The following EXD3 variants were observed in gnomAD, a reference collection of about 807,000 sequenced individuals.
EXD3 encodes exonuclease 3'-5' domain containing 3.
In EXD3, 92 loss-of-function variants were observed where a neutral mutation model predicts 98.0. That is an observed-to-expected ratio of 0.94 (90% CI 0.79 to 1.12). The LOEUF (loss-of-function observed/expected upper bound fraction) is 1.12. EXD3 is among the 50% of genes most tolerant of loss of function. The pLI is 0.00. For synonymous variants in EXD3, 569 were observed against 526.0 expected (o/e 1.08, Z -1.12); for missense variants, 1,222 against 1,191.6 (o/e 1.03, Z -0.38).
intron 1 of EXD3, among the ~76,000 whole-genome samples, chr9:137,411,618 G>A (rs917790492): frequency 6.6e-6 from 1 of 151,392 alleles, no homozygotes; most frequent in Non-Finnish European, 1.5e-5. Flanking sequence ...GGCCAGCGGC[G>A]GCCGTCAGTC....
Position 137,366,595 on chromosome 9 carries a change from A to T in EXD3, c.554T>A (p.Leu185His). The T allele has an allele frequency of 6.4e-7, 1 of 1,556,130 alleles. No individual in the cohort carries two copies. The highest frequency in any genetic ancestry group is 8.7e-7 in the Non-Finnish European group (1 of 1,150,788). Reference protein sequence around the residue: ...IPLLLQDKVALVERYVAGFPD... With the variant: ...IPLLLQDKVAHVERYVAGFPD... ...GAAGCCGGCCACATAGCGCTCCACGAGGGCCACCTTGTCCTGGAGGAGCAG... is the reference window on the plus strand; with the variant it reads ...GAAGCCGGCCACATAGCGCTCCACGTGGGCCACCTTGTCCTGGAGGAGCAG... The change falls in exon 7 of 22, where the codon CTC (leucine) becomes CAC (histidine). Residue 185 changes from leucine (L) to histidine (H), a missense_variant. Leu to His is a moderately conservative substitution (Grantham distance 99). Coordinates refer to ENST00000340951, the MANE Select transcript of EXD3 (RefSeq NM_017820.5).
chr9:137,375,660 TAG>T, intron 3 of EXD3, among the ~76,000 whole-genome samples: 1 of 152,286 alleles, frequency 6.6e-6, no homozygotes, highest in Non-Finnish European at 1.5e-5. Flanking sequence ...GTTCTAGCTC[TAG>T]CGAGTTCTAG....
intron 17 of EXD3, among the ~76,000 whole-genome samples, chr9:137,341,274 A>T (rs1045045168): frequency 5.9e-5 from 9 of 152,204 alleles, no homozygotes; most frequent in Non-Finnish European, 1.2e-4. Context: ...CTGTGATCAC[A>T]CCACTACACT....
Position 137,393,237 on chromosome 9 carries a change from T to G in EXD3, c.55+2066A>C, listed in dbSNP as rs983625902. 5.7e-6 allele frequency: 4 copies of G among 702,550 alleles called. No individual in the cohort carries two copies. The highest frequency in any genetic ancestry group is 7.8e-6 in the Non-Finnish European group (3 of 384,850). 43.5% of individuals were successfully genotyped at this position (702,550 alleles called of 1,614,324 possible). On this transcript the variant is annotated intron_variant, in intron 2 of 21. Coordinates refer to ENST00000340951, the MANE Select transcript of EXD3 (RefSeq NM_017820.5). This position sits in a 1 kb window ranked among gnomAD's most constrained non-coding sequence, Gnocchi z 4.6. ...GAGGCTGTAGAAGCCTGTGGGTGCC[T>G]GTGCAGGGAGAGTCAGCTCTGTGCT...
At chr9:137,422,745 C>G (rs1318624820) in intron 1 of EXD3, among the ~76,000 whole-genome samples, 1 of 152,124 alleles carries the variant, frequency 6.6e-6, no homozygotes, top group East Asian at 1.9e-4. Context: ...AGGGCGGGCG[C>G]GCGCGCGTCC....
rs1441552587 is a variant in EXD3 at position 137,385,018 on chromosome 9, G to A, written c.56-1641C>T. On this transcript the variant is annotated intron_variant, in intron 2 of 21. Coordinates refer to ENST00000340951, the MANE Select transcript of EXD3 (RefSeq NM_017820.5). The surrounding 1 kb of genome is among the most constrained non-coding windows in gnomAD (Gnocchi z 4.4). ...GAGGCAGGAGAACAGCATGAACCCG[G>A]GAGGCGGAGGTCGCAGTGAGCCGAG... is the stretch of plus-strand genomic sequence containing the variant. Among the ~76,000 whole-genome samples, 1 of 152,154 alleles carries A rather than the reference G, an allele frequency of 6.6e-6. No individual in the cohort carries two copies. The highest frequency in any genetic ancestry group is 1.5e-5 in the Non-Finnish European group (1 of 68,034).
intron 1 of EXD3, among the ~76,000 whole-genome samples, chr9:137,411,335 G>C (rs1015605100): frequency 6.6e-6 from 1 of 152,138 alleles, no homozygotes; most frequent in African/African-American, 2.4e-5. Context: ...CTGGGCATGG[G>C]GCTTGCTCCG....
At chr9:137,348,287 C>A (rs774933960) in intron 16 of EXD3, 49 bp from the exon 17 acceptor site, 2 of 1,571,630 alleles carry the variant, frequency 1.3e-6, no homozygotes, top group Non-Finnish European at 1.7e-6. Context: ...CCCAGCCCCT[C>A]ACAGCCTCAG....
intron 17 of EXD3, among the ~76,000 whole-genome samples, chr9:137,327,381 C>T (rs376657443): frequency 2.6e-5 from 4 of 152,108 alleles, no homozygotes; most frequent in East Asian, 1.9e-4. Context: ...GATCCGCCCG[C>T]GTCGGCCTCC....
At chr9:137,310,335 C>T (rs528071615) in intron 19 of EXD3, among the ~76,000 whole-genome samples, 5 of 152,282 alleles carry the variant, frequency 3.3e-5, no homozygotes, top group Non-Finnish European at 5.9e-5. Context: ...CCTGAAGCCC[C>T]GGGGCTCAAA....
At chr9:137,375,676 T>TAG (rs376136021) in intron 3 of EXD3, among the ~76,000 whole-genome samples, 2 of 152,176 alleles carry the variant, frequency 1.3e-5, no homozygotes, top group Non-Finnish European at 2.9e-5. Context: ...GTTCTAGCTC[T>TAG]CATGAGTTCT....
At chr9:137,368,664 C>A (rs1270588740) in intron 5 of EXD3, among the ~76,000 whole-genome samples, 1 of 152,256 alleles carries the variant, frequency 6.6e-6, no homozygotes, top group Non-Finnish European at 1.5e-5. Context: ...CCCGCCCCCG[C>A]GCAGCCCAGA....
At chr9:137,346,668 G>A (rs941142137) in intron 17 of EXD3, among the ~76,000 whole-genome samples, 10 of 152,156 alleles carry the variant, frequency 6.6e-5, no homozygotes, top group East Asian at 3.8e-4. Flanking sequence ...TTCCACAGAC[G>A]GTCGGTTTCA....
chr9:137,308,149 G>A (rs1349993086), intron 20 of EXD3, among the ~76,000 whole-genome samples: 1 of 152,148 alleles, frequency 6.6e-6, no homozygotes, highest in Admixed American at 6.5e-5. Flanking sequence ...CCCAGGGCAG[G>A]CAGGGCCGGT....
chr9:137,393,166 TG>T lies in EXD3; in HGVS notation c.55+2136del. ...AGGCTGTTCCAGGGGCCCTGCTAGCTGGGGTGTTGCACTTTGAAAACATCCC... is the reference window on the plus strand; with the variant it reads ...AGGCTGTTCCAGGGGCCCTGCTAGCTGGGTGTTGCACTTTGAAAACATCCC... On this transcript the variant is annotated intron_variant, in intron 2 of 21. Transcript: ENST00000340951. The surrounding 1 kb of genome is among the most constrained non-coding windows in gnomAD (Gnocchi z 4.6). The T allele has an allele frequency of 1.4e-6, 1 of 702,458 alleles. No individual in the cohort carries two copies. Among genetic ancestry groups the T allele is most frequent in the Non-Finnish European group, 2.6e-6 (1 of 384,906 alleles). 43.5% of individuals were successfully genotyped at this position (702,458 alleles called of 1,614,324 possible).
chr9:137,397,151 C>A (rs145415098), intron 1 of EXD3, among the ~76,000 whole-genome samples: 1 of 152,192 alleles, frequency 6.6e-6, no homozygotes, highest in Non-Finnish European at 1.5e-5. Context: ...GAGGAAGGAC[C>A]CCATCAACAC....
intron 7 of EXD3, among the ~76,000 whole-genome samples, chr9:137,362,129 T>C (rs1011963949): frequency 3.3e-5 from 5 of 152,068 alleles, no homozygotes; most frequent in African/African-American, 9.7e-5. Flanking sequence ...TCCCAGAAAA[T>C]GGAAAGGCAA....
intron 7 of EXD3, among the ~76,000 whole-genome samples, chr9:137,357,827 G>A (rs976179216): frequency 7.2e-5 from 11 of 151,886 alleles, no homozygotes; most frequent in African/African-American, 2.7e-4. Context: ...AAGCTGAGGA[G>A]CACAGAGAGC....
At chr9:137,340,943 A>G (rs1381852088) in intron 17 of EXD3, among the ~76,000 whole-genome samples, 1 of 152,244 alleles carries the variant, frequency 6.6e-6, no homozygotes, top group Non-Finnish European at 1.5e-5. Context: ...AAGGAGAAGA[A>G]CAAGGTAGAT....
Sources: gnomAD v4.1 joint callset for allele counts (sites outside exome capture counted in the v4.1 genomes callset) on GRCh38, gnomAD v4.1.1 for gene constraint, Gnocchi (gnomAD v3.1) non-coding constraint, MANE v1.5 for transcripts, NCBI Gene and HGNC (gene_info 2026-07-23, HGNC 2026-07-21) for gene names.